Variants in RALGPS2 observed in about 807,000 individuals in gnomAD.
The protein encoded by RALGPS2 is ras-specific guanine nucleotide-releasing factor RalGPS2.
In RALGPS2, 43 loss-of-function variants were observed where a neutral mutation model predicts 86.8. The observed-to-expected ratio is 0.50, with a 90% CI of 0.39 to 0.64. The LOEUF (loss-of-function observed/expected upper bound fraction) is 0.64, where lower values mean the gene tolerates loss of function less well. Ranked by LOEUF, RALGPS2 falls within the 30% of genes least tolerant of loss-of-function variation. RALGPS2 has a pLI of 0.00. For synonymous variants in RALGPS2, 243 were observed against 231.3 expected (o/e 1.05, Z -0.46); for missense variants, 536 against 694.6 (o/e 0.77, Z 2.57).
intron 7 of RALGPS2, 135 bp from the exon 8 acceptor site, chr1:178,833,288 CT>C: frequency 2.5e-6 from 2 of 788,456 alleles, no homozygotes; most frequent in Non-Finnish European, 3.4e-6. Flanking sequence ...TATTTATATA[CT>C]ACCAAGATAT....
chr1:178,736,480 C>T (rs946969734), intron 1 of RALGPS2, among the ~76,000 whole-genome samples: 12 of 152,044 alleles, frequency 7.9e-5, no homozygotes, highest in African/African-American at 1.4e-4. Context: ...GCATTTTAAA[C>T]GTTTTCAATG....
Position 178,913,292 on chromosome 1 carries a change from AAAAG to A in RALGPS2, c.1723-3034_1723-3031del, listed in dbSNP as rs530049352. ...GCAAGACTCCCATCTCAAAAAAAAA[AAAAG>A]AAAAGAAAAAGAAAGAAATTTCTAG... On this transcript the variant is annotated intron_variant, in intron 19 of 19. Coordinates refer to ENST00000367635, the MANE Select transcript of RALGPS2 (RefSeq NM_152663.5). 6.8e-3 allele frequency among the ~76,000 whole-genome samples: 1,035 copies of A among 152,178 alleles called. 7 individuals are homozygous for A. The highest frequency in any genetic ancestry group is 0.023 in the African/African-American group (957 of 41,522).
chr1:178,745,079 G>A (rs968714937), intron 1 of RALGPS2, among the ~76,000 whole-genome samples: 5 of 152,178 alleles, frequency 3.3e-5, no homozygotes, highest in African/African-American at 7.2e-5. Flanking sequence ...ATGAAATACT[G>A]TTAATTACAC....
At chr1:178,788,393 A>G (rs1370887909) in intron 4 of RALGPS2, among the ~76,000 whole-genome samples, 2 of 152,178 alleles carry the variant, frequency 1.3e-5, no homozygotes, top group African/African-American at 2.4e-5. Flanking sequence ...TGGATCTGAT[A>G]TTTGGGTGAG....
In RALGPS2 at chr1:178,833,259, G is replaced by C. The variant is rs551499059; in HGVS notation, c.481-165G>C. Among the ~76,000 whole-genome samples the C allele has an allele frequency of 2.6e-5, 4 of 152,056 alleles. No homozygotes were observed. The South Asian group carries it at 8.3e-4, about 32-fold the overall frequency. On this transcript the variant is annotated intron_variant, in intron 7 of 19. Coordinates refer to ENST00000367635, the MANE Select transcript of RALGPS2 (RefSeq NM_152663.5). ...AAATAATGAATTTGGATTATTAATA[G>C]ACAAATCTGATTTTGTCTTATTTAT... is the stretch of plus-strand genomic sequence containing the variant.
chr1:178,839,596 T>G lies in RALGPS2; in HGVS notation c.607+6046T>G, dbSNP rs550035586. Among the ~76,000 whole-genome samples the G allele has an allele frequency of 5.3e-5, 8 of 152,248 alleles. No homozygotes were observed. In the East Asian group the frequency reaches 1.5e-3, roughly 29 times the overall value. ...GAGACCATTGATGCTAGGAAGAAAC[T>G]GCATCAACTAATGAGCAAAATAACC... On this transcript the variant is annotated intron_variant, in intron 8 of 19. Coordinates refer to ENST00000367635, the MANE Select transcript of RALGPS2 (RefSeq NM_152663.5).
intron 8 of RALGPS2, chr1:178,851,465 C>T (rs1657170933): frequency 1.5e-6 from 1 of 648,732 alleles, no homozygotes; most frequent in Non-Finnish European, 2.4e-6. Context: ...CCTTCACTTA[C>T]TTGATGGCTG....
intron 1 of RALGPS2, among the ~76,000 whole-genome samples, chr1:178,771,782 A>G (rs906486964): frequency 6.6e-6 from 1 of 152,208 alleles, no homozygotes; most frequent in Admixed American, 6.5e-5. Context: ...ATTACCAAAA[A>G]GGACTATACC....
At chr1:178,761,618 T>C (rs1483673600) in intron 1 of RALGPS2, among the ~76,000 whole-genome samples, 1 of 151,868 alleles carries the variant, frequency 6.6e-6, no homozygotes, top group Non-Finnish European at 1.5e-5. Flanking sequence ...TGGAGTGTAA[T>C]GGTGTAATCT....
intron 1 of RALGPS2, among the ~76,000 whole-genome samples, chr1:178,732,226 A>G (rs1360536700): frequency 1.3e-5 from 2 of 152,184 alleles, no homozygotes; most frequent in East Asian, 1.9e-4. Flanking sequence ...GAGGGAGAGT[A>G]TGATTGCCAG....
chr1:178,843,715 A>G (rs1656725255), intron 8 of RALGPS2, among the ~76,000 whole-genome samples: 2 of 152,076 alleles, frequency 1.3e-5, no homozygotes, highest in South Asian at 4.1e-4. Flanking sequence ...GAAATTAAGA[A>G]CATACACTAT....
chr1:178,787,019 C>T (rs1653686452), intron 4 of RALGPS2, among the ~76,000 whole-genome samples: 1 of 150,854 alleles, frequency 6.6e-6, no homozygotes, highest in South Asian at 2.1e-4. Flanking sequence ...TCAGAGGGCT[C>T]TCTAAGTAGA....
chr1:178,734,911 CT>C (rs1255364989), intron 1 of RALGPS2, among the ~76,000 whole-genome samples: 1 of 151,882 alleles, frequency 6.6e-6, no homozygotes, highest in Non-Finnish European at 1.5e-5. Flanking sequence ...GATAGCAGAT[CT>C]TTTTTTCTTT....
intron 8 of RALGPS2, among the ~76,000 whole-genome samples, chr1:178,838,693 G>A (rs953066548): frequency 2.0e-5 from 3 of 152,204 alleles, no homozygotes; most frequent in African/African-American, 7.2e-5. Context: ...AGAGAAGAAG[G>A]CTTCAGATTA....
chr1:178,776,051 A>C (rs1348813204), intron 1 of RALGPS2, among the ~76,000 whole-genome samples: 1 of 152,124 alleles, frequency 6.6e-6, no homozygotes. Context: ...ATTATGAGTA[A>C]TCCGGAGATG....
At chr1:178,774,992 T>C (rs990173141) in intron 1 of RALGPS2, among the ~76,000 whole-genome samples, 9 of 152,208 alleles carry the variant, frequency 5.9e-5, no homozygotes, top group African/African-American at 2.2e-4. Context: ...CCAGCAACAA[T>C]TGCTTCCCAA....
At chr1:178,878,248 C>A (rs949144879) in intron 9 of RALGPS2, among the ~76,000 whole-genome samples, 11 of 151,904 alleles carry the variant, frequency 7.2e-5, no homozygotes, top group African/African-American at 2.4e-4. Context: ...TTAAATACTT[C>A]CAGTTTGATA....
At chr1:178,902,853 G>T (rs1421773382) in intron 18 of RALGPS2, among the ~76,000 whole-genome samples, 1 of 151,952 alleles carries the variant, frequency 6.6e-6, no homozygotes, top group Non-Finnish European at 1.5e-5. Context: ...AATATATTTG[G>T]CTCAGATCAC....
At chr1:178,913,691 G>A (rs1320566685) in intron 19 of RALGPS2, among the ~76,000 whole-genome samples, 3 of 152,180 alleles carry the variant, frequency 2.0e-5, no homozygotes, top group Non-Finnish European at 4.4e-5. Context: ...GGGTTTGACT[G>A]TGGTATAAGT....
Sources: allele counts gnomAD v4.1 joint callset (sites outside exome capture counted in the v4.1 genomes callset), GRCh38; gene constraint gnomAD v4.1.1; transcripts MANE v1.5; gene names NCBI Gene and HGNC (gene_info 2026-07-23, HGNC 2026-07-21).